The following HNF1B variants were observed in gnomAD, a reference collection of about 807,000 sequenced individuals.
The protein encoded by HNF1B is hepatocyte nuclear factor 1-beta.
Under a neutral mutation model 61.7 loss-of-function variants are expected in HNF1B, and 8 were observed. That is an observed-to-expected ratio of 0.13 (90% CI 0.08 to 0.23). The LOEUF (loss-of-function observed/expected upper bound fraction) is 0.23. Ranked by LOEUF, HNF1B falls within the 10% of genes least tolerant of loss-of-function variation. The pLI is 1.00. For missense variants in HNF1B, 562 were observed against 714.5 expected (o/e 0.79, Z 2.43); for synonymous variants, 314 against 287.7 (o/e 1.09, Z -0.93).
intron 6 of HNF1B, among the ~76,000 whole-genome samples, chr17:37,704,316 G>C (rs1290789008): frequency 6.6e-6 from 1 of 152,208 alleles, no homozygotes; most frequent in Non-Finnish European, 1.5e-5. Flanking sequence ...GCCAAAGCAA[G>C]CTTTTTCTCC....
At chr17:37,743,756 C>T (rs2034074873) in intron 1 of HNF1B, among the ~76,000 whole-genome samples, 1 of 152,256 alleles carries the variant, frequency 6.6e-6, no homozygotes, top group South Asian at 2.1e-4. Context: ...GCCAGCCGGC[C>T]TGAACTCCCG....
chr17:37,733,296 G>T (rs1164427801), intron 3 of HNF1B, among the ~76,000 whole-genome samples: 1 of 152,144 alleles, frequency 6.6e-6, no homozygotes, highest in African/African-American at 2.4e-5. Context: ...ATTCAACAAA[G>T]CTAAGTGGGT....
chr17:37,713,231 T>A (rs147762020), intron 4 of HNF1B, among the ~76,000 whole-genome samples: 82 of 152,320 alleles, frequency 5.4e-4, no homozygotes, highest in African/African-American at 1.8e-3. Context: ...CGATTCAGTC[T>A]CAAGTCAAAC....
chr17:37,691,469 C>T (rs747094392), intron 8 of HNF1B, among the ~76,000 whole-genome samples: 2 of 152,240 alleles, frequency 1.3e-5, no homozygotes, highest in African/African-American at 2.4e-5. Context: ...CCCCTCAACA[C>T]GGGGAAATAA....
chr17:37,739,330 T>A (rs544722830), intron 2 of HNF1B, 110 bp downstream of exon 2: 8 of 999,908 alleles, frequency 8.0e-6, no homozygotes, highest in Non-Finnish European at 1.3e-5. Context: ...TCCTCATATC[T>A]GCCAAGTGCT....
At chr17:37,726,078 A>T (rs1394927004) in intron 4 of HNF1B, among the ~76,000 whole-genome samples, 1 of 152,120 alleles carries the variant, frequency 6.6e-6, no homozygotes, top group African/African-American at 2.4e-5. Context: ...GATCTCCCAA[A>T]GCCTCAGTGT....
In HNF1B at chr17:37,687,402, GA is replaced by G. The variant is rs771921050; in HGVS notation, c.1654-11del. The G allele has an allele frequency of 2.7e-4, 433 of 1,599,744 alleles. No individual in the cohort carries two copies. Among genetic ancestry groups the G allele is most frequent in the Non-Finnish European group, 3.5e-4 (407 of 1,167,296 alleles). ...AGGCTTGTAGAGGACACTGCAGAGA[GA>G]GAGGAGAGAGGGTGCTCAGCTGTGT... On this transcript the variant is annotated splice_polypyrimidine_tract_variant and intron_variant, in intron 8 of 8. Coordinates refer to ENST00000617811, the MANE Select transcript of HNF1B (RefSeq NM_000458.4).
At chr17:37,733,923 C>T (rs2033763481) in intron 2 of HNF1B, 102 bp from the exon 3 acceptor site, 4 of 1,394,558 alleles carry the variant, frequency 2.9e-6, no homozygotes, top group African/African-American at 1.4e-5. Context: ...TTATTCCCCT[C>T]GTCTAACTAA....
In HNF1B at chr17:37,686,988, T is replaced by C. The variant is rs1058166; in HGVS notation, c.*384A>G. 46,716 of 461,494 alleles carry C rather than the reference T, an allele frequency of 0.1. 5,946 individuals carry two copies. Among genetic ancestry groups the C allele is most frequent in the African/African-American group, 0.44 (22,535 of 50,684 alleles). The allele number at this position is 461,494 out of a possible 1,614,324, so 28.6% of individuals were successfully genotyped here. ...TTACAGTGTGTTTGGCTCAGTTCAA[T>C]AGCACATGTCCTTCTCTCCTCATTT... On this transcript the variant is annotated 3_prime_UTR_variant, in exon 9 of 9. Coordinates refer to ENST00000617811, the MANE Select transcript of HNF1B (RefSeq NM_000458.4).
At chr17:37,741,820 C>G (rs1461265268) in intron 1 of HNF1B, among the ~76,000 whole-genome samples, 1 of 151,916 alleles carries the variant, frequency 6.6e-6, no homozygotes, top group Non-Finnish European at 1.5e-5. Context: ...GTGAATTAGC[C>G]CAACAATTGG....
Position 37,710,732 on chromosome 17 carries a change from C to G in HNF1B, c.1046-69G>C, listed in dbSNP as rs935936446. ...GGGTCCTGGAACAATGACTCGGCACCTCTTGTTTTCAAGGGTGGGTAATAA... is the reference window on the plus strand; with the variant it reads ...GGGTCCTGGAACAATGACTCGGCACGTCTTGTTTTCAAGGGTGGGTAATAA... On this transcript the variant is annotated intron_variant, in intron 4 of 8. Transcript: ENST00000617811. 2.7e-6 allele frequency: 4 copies of G among 1,494,568 alleles called. No individual in the cohort carries two copies. In the African/African-American group the frequency reaches 5.5e-5, roughly 21 times the overall value. The allele number at this position is 1,494,568 out of a possible 1,614,324, so 92.6% of individuals were successfully genotyped here. A position where few individuals can be genotyped will look rare whatever the true frequency, so the allele number is the denominator to read the frequency against.
At chr17:37,697,812 C>T (rs532842294) in intron 8 of HNF1B, among the ~76,000 whole-genome samples, 9 of 152,176 alleles carry the variant, frequency 5.9e-5, no homozygotes, top group Non-Finnish European at 1.2e-4. Context: ...TCTCCCTCTA[C>T]CCCCAGCTCC....
chr17:37,727,726 G>A (rs1018826790), intron 4 of HNF1B, among the ~76,000 whole-genome samples: 1 of 152,152 alleles, frequency 6.6e-6, no homozygotes, highest in Admixed American at 6.5e-5. Flanking sequence ...GTCATCGTGG[G>A]CAAGTGGGCC....
intron 8 of HNF1B, among the ~76,000 whole-genome samples, chr17:37,688,680 C>T (rs2032075887): frequency 6.6e-6 from 1 of 152,124 alleles, no homozygotes; most frequent in African/African-American, 2.4e-5. Flanking sequence ...GCTTTGTGCT[C>T]TTGGACAAGT....
chr17:37,737,653 C>T (rs373253981), intron 2 of HNF1B, among the ~76,000 whole-genome samples: 1 of 148,462 alleles, frequency 6.7e-6, no homozygotes, highest in Non-Finnish European at 1.5e-5. Flanking sequence ...AGTGAAACCC[C>T]GTCTCTACTA....
In HNF1B at chr17:37,699,129, C is replaced by A. The variant is rs2032479508; in HGVS notation, c.1600G>T (p.Val534Phe). The A allele has an allele frequency of 6.2e-7, 1 of 1,613,934 alleles. No homozygotes were observed. Among genetic ancestry groups the A allele is most frequent in the African/African-American group, 1.3e-5 (1 of 74,852 alleles). Reference protein sequence around the residue: ...HTSRFPSAMVVTDTSSISTLT... With the variant: ...HTSRFPSAMVFTDTSSISTLT... ...GTACTGATGCTGCTGGTATCTGTGA[C>A]CACCATTGCAGATGGAAACCGGGAG... is the stretch of plus-strand genomic sequence containing the variant. Residue 534 changes from valine (V) to phenylalanine (F), a missense_variant, in exon 8 of 9, where the codon GTC (valine) becomes TTC (phenylalanine). Val to Phe is a conservative substitution (Grantham distance 50). Coordinates refer to ENST00000617811, the MANE Select transcript of HNF1B (RefSeq NM_000458.4).
At chr17:37,726,377 T>C (rs115490692) in intron 4 of HNF1B, among the ~76,000 whole-genome samples, 2 of 152,206 alleles carry the variant, frequency 1.3e-5, no homozygotes. Flanking sequence ...TGCAGGGCTG[T>C]TGTGTGGGTC....
At chr17:37,698,971 G>C (rs1598804028) in intron 8 of HNF1B, 105 bp downstream of exon 8, 2 of 871,418 alleles carry the variant, frequency 2.3e-6, no homozygotes, top group Admixed American at 3.4e-5. Context: ...AGCCTCAGAA[G>C]GACCTAATTT....
chr17:37,732,108 G>A (rs2056760979), intron 3 of HNF1B, among the ~76,000 whole-genome samples: 1 of 152,166 alleles, frequency 6.6e-6, no homozygotes, highest in Non-Finnish European at 1.5e-5. Flanking sequence ...GAGGAGAAGA[G>A]AGCAAGCCGG....
Sources: allele counts gnomAD v4.1 joint callset (sites outside exome capture counted in the v4.1 genomes callset), GRCh38; gene constraint gnomAD v4.1.1; transcripts MANE v1.5; gene names NCBI Gene and HGNC (gene_info 2026-07-23, HGNC 2026-07-21).